Variants in ZNF541 observed in about 807,000 individuals in gnomAD.
ZNF541 encodes the protein zinc finger protein 541.
A neutral mutation model predicts 123.5 loss-of-function variants in ZNF541; 23 were observed. The ratio of observed to expected loss-of-function variants is 0.19; its 90% confidence interval spans 0.13 to 0.26. The LOEUF is 0.26. Ranked by LOEUF, ZNF541 falls within the 10% of genes least tolerant of loss-of-function variation. The pLI is 1.00. For synonymous variants in ZNF541, 751 were observed against 754.5 expected (o/e 1.00, Z 0.08); for missense variants, 1,612 against 1,789.9 (o/e 0.90, Z 1.79).
intron 2 of ZNF541, among the ~76,000 whole-genome samples, chr19:47,565,694 T>C (rs1971235751): frequency 1.3e-5 from 2 of 152,216 alleles, no homozygotes; most frequent in African/African-American, 4.8e-5. Flanking sequence ...ATCCCTCTCA[T>C]TAAATTAAAT....
intron 2 of ZNF541, among the ~76,000 whole-genome samples, chr19:47,557,040 G>A (rs1970853331): frequency 6.6e-6 from 1 of 152,174 alleles, no homozygotes; most frequent in Non-Finnish European, 1.5e-5. Flanking sequence ...TTACAGGCGT[G>A]AGCCACTGAG....
intron 2 of ZNF541, among the ~76,000 whole-genome samples, chr19:47,564,039 T>TCCAAAGTCAAAAC (rs1181257870): frequency 8.5e-5 from 13 of 152,272 alleles, no homozygotes; most frequent in Non-Finnish European, 1.6e-4. Context: ...GACTAATTTG[T>TCCAAAGTCAAAAC]CCAAAGTCAA....
At chr19:47,556,428 G>T (rs1159040814) in intron 2 of ZNF541, among the ~76,000 whole-genome samples, 4 of 152,144 alleles carry the variant, frequency 2.6e-5, no homozygotes, top group African/African-American at 7.2e-5. Context: ...ATGTGGCTAT[G>T]AAGTACTTGA....
intron 14 of ZNF541, among the ~76,000 whole-genome samples, chr19:47,525,386 T>G (rs894263679): frequency 1.3e-5 from 2 of 152,212 alleles, no homozygotes; most frequent in African/African-American, 2.4e-5. Context: ...GTTTTGTTTT[T>G]TTTGGTAAAA....
rs374622717 is a variant in ZNF541 at position 47,521,291 on chromosome 19, C to T, written c.3974G>A (p.Trp1325Ter). 2.4e-5 allele frequency: 37 copies of T among 1,551,636 alleles called. No individual in the cohort carries two copies. Among genetic ancestry groups the T allele is most frequent in the Non-Finnish European group, 3.1e-5 (35 of 1,147,022 alleles). Residue 1325 changes from tryptophan (W) to a stop codon, truncating the protein, a stop_gained, in exon 17 of 17, where the codon TGG becomes TAG. Coordinates refer to ENST00000391901, the MANE Select transcript of ZNF541 (RefSeq NM_001277075.3). LOFTEE classifies it high-confidence loss of function. This position sits in a 1 kb window ranked among gnomAD's most constrained non-coding sequence, Gnocchi z 4.2. ...DHVEPIIRVK[W>*]PVKPFQLKEE... ...CTTTAGCTGGAAGGGCTTCACTGGCCACTTCACCCTGATGATGGGCTCCAC... is the reference window on the plus strand; with the variant it reads ...CTTTAGCTGGAAGGGCTTCACTGGCTACTTCACCCTGATGATGGGCTCCAC...
At chr19:47,559,109 G>T (rs923338445) in intron 2 of ZNF541, among the ~76,000 whole-genome samples, 1 of 150,376 alleles carries the variant, frequency 6.6e-6, no homozygotes, top group African/African-American at 2.4e-5. Flanking sequence ...AGTGGCTCAC[G>T]CCTGTAATCC....
intron 5 of ZNF541, 82 bp from the exon 6 acceptor site, chr19:47,541,033 A>C (rs1970059273): frequency 7.6e-7 from 1 of 1,317,888 alleles, no homozygotes; most frequent in Non-Finnish European, 1.0e-6. Flanking sequence ...TTAGAAGAAA[A>C]CATCAGAGTA....
chr19:47,528,085 C>T (rs1323450226), intron 14 of ZNF541, among the ~76,000 whole-genome samples: 1 of 134,924 alleles, frequency 7.4e-6, no homozygotes, highest in Admixed American at 7.4e-5. Context: ...GAGGCTGAGG[C>T]AGGTGGATCA....
At chr19:47,551,831 C>A (rs1970613208) in intron 3 of ZNF541, among the ~76,000 whole-genome samples, 1 of 151,990 alleles carries the variant, frequency 6.6e-6, no homozygotes, top group Non-Finnish European at 1.5e-5. Context: ...ATACATAGCA[C>A]CTGGCTTAAA....
Position 47,544,208 on chromosome 19 carries a change from T to C in ZNF541, c.2321A>G (p.Gln774Arg). The C allele has an allele frequency of 6.4e-7, 1 of 1,551,660 alleles. No homozygotes were observed. The highest frequency in any genetic ancestry group is 8.7e-7 in the Non-Finnish European group (1 of 1,147,006). ...MDMCCAASPSQVAMASFSSAG... is the reference protein window; with the variant it reads ...MDMCCAASPSRVAMASFSSAG... ...CGATGAGAAGGAGGCCATGGCTACC[T>C]GGCTCGGAGAAGCCGCACAGCACAT... The change falls in exon 5 of 17, where the codon CAG becomes CGG. Residue 774 changes from glutamine (Q) to arginine (R), a missense_variant. Physicochemically the swap from Gln to Arg is conservative, Grantham distance 43. This residue lies in a region of ZNF541 where 1,080 missense variants were observed against 1,013.8 expected (regional missense o/e 1.07). Transcript: ENST00000391901.
chr19:47,544,955 T>C lies in ZNF541; in HGVS notation c.1574A>G (p.Gln525Arg), dbSNP rs1328295178. ...ATCCGCAGGGAGCCCGCCTGCCTTC[T>C]GGGCCTCCTGGAGGCCGGGCTCCCC... is the stretch of plus-strand genomic sequence containing the variant. ...NPGEPGLQEA[Q>R]KAGGLPADAS... is the part of the protein sequence containing the mutation. The change falls in exon 5 of 17, where the codon CAG (glutamine) becomes CGG (arginine). Residue 525 changes from glutamine to arginine, a missense_variant. By Grantham distance (43) the Gln-to-Arg change is conservative. Around this residue, in one of 5 missense-constraint regions of ZNF541, gnomAD observed 1,080 missense variants for 1,013.8 expected, o/e 1.07. Transcript: ENST00000391901. The C allele has an allele frequency of 1.3e-6, 2 of 1,534,414 alleles. No individual in the cohort carries two copies. The highest frequency in any genetic ancestry group is 3.9e-5 in the Admixed American group (2 of 50,736).
chr19:47,544,337 C>G lies in ZNF541; in HGVS notation c.2192G>C (p.Gly731Ala). Residue 731 changes from glycine (G) to alanine (A), a missense_variant, in exon 5 of 17, where the codon GGT (glycine) becomes GCT (alanine). Gly to Ala is a moderately conservative substitution (Grantham distance 60). This residue lies in a region of ZNF541 where 1,080 missense variants were observed against 1,013.8 expected (regional missense o/e 1.07). Coordinates refer to ENST00000391901, the MANE Select transcript of ZNF541 (RefSeq NM_001277075.3). ...ENGAASRITK[G>A]EKGPACSRGG... ...CCGGGAGCAGGCTGGGCCCTTTTCACCTTTTGTGATCCTTGAAGCCGCGCC... is the reference window on the plus strand; with the variant it reads ...CCGGGAGCAGGCTGGGCCCTTTTCAGCTTTTGTGATCCTTGAAGCCGCGCC... The G allele has an allele frequency of 6.4e-7, 1 of 1,551,662 alleles. No homozygotes were observed. The highest frequency in any genetic ancestry group is 8.7e-7 in the Non-Finnish European group (1 of 1,147,002).
At position 47,555,700 on chromosome 19, in the gene ZNF541, C is replaced by G; in HGVS notation, c.157G>C (p.Asp53His). 1 of 1,551,750 alleles carries G rather than the reference C, an allele frequency of 6.4e-7. No individual in the cohort carries two copies. The highest frequency in any genetic ancestry group is 8.7e-7 in the Non-Finnish European group (1 of 1,147,018). ...GFLYAGLSGL[D>H]PDPSLPTPDM... ...GGCGTTGGGAGGCTGGGGTCCGGGT[C>G]CAGACCACTCAGGCCAGCATAAAGA... Residue 53 changes from aspartate to histidine, a missense_variant, in exon 3 of 17, where the codon GAC (aspartate) becomes CAC (histidine). By Grantham distance (81) the Asp-to-His change is moderately conservative (BLOSUM62 -1). Around this residue, in one of 5 missense-constraint regions of ZNF541, gnomAD observed 212 missense variants for 289.6 expected, o/e 0.73. Transcript: ENST00000391901.
chr19:47,542,422 G>A (rs1050305604), intron 5 of ZNF541, among the ~76,000 whole-genome samples: 14 of 152,150 alleles, frequency 9.2e-5, no homozygotes, highest in African/African-American at 1.2e-4. Flanking sequence ...TTGGGAGGCC[G>A]AGGCAAGCAC....
At position 47,545,782 on chromosome 19, in the gene ZNF541, C is replaced by CGGCT. The variant is rs1568503266; in HGVS notation, c.743_746dup (p.Pro250AlafsTer33). On this transcript the variant is annotated frameshift_variant, in exon 5 of 17. Transcript: ENST00000391901. LOFTEE classifies it high-confidence loss of function. This position sits in a 1 kb window ranked among gnomAD's most constrained non-coding sequence, Gnocchi z 7.5. The stretch of plus-strand genomic sequence containing the variant: ...CCAGGGACCGCAGGCTGCTGGGGGG[C>CGGCT]GGCTGGCCGGCCGACTCGTGGGCGT... 1.3e-6 allele frequency: 2 copies of CGGCT among 1,539,396 alleles called. No homozygotes were observed. The highest frequency in any genetic ancestry group is 1.7e-6 in the Non-Finnish European group (2 of 1,143,014).
intron 13 of ZNF541, 53 bp from the exon 14 acceptor site, chr19:47,529,091 C>T: frequency 7.4e-7 from 1 of 1,350,436 alleles, no homozygotes; most frequent in Non-Finnish European, 1.0e-6. Context: ...GGGACCACAG[C>T]CATGGCTGAA....
chr19:47,524,706 T>TAAAAAA (rs1159585510), intron 14 of ZNF541, among the ~76,000 whole-genome samples: 1 of 96,746 alleles, frequency 1.0e-5, no homozygotes. Context: ...AGACTCTGTC[T>TAAAAAA]AAAAAAAAAA....
In ZNF541 at chr19:47,544,541, G is replaced by A. The variant is rs751201378; in HGVS notation, c.1988C>T (p.Pro663Leu). ...VAAVPTPLAA[P>L]SLDPSRNPDI... is the part of the protein sequence containing the mutation. ...TGGATTCCTGGAAGGGTCCAGAGAC[G>A]GTGCTGCAAGGGGCGTTGGAACCGC... Residue 663 changes from proline (P) to leucine (L), a missense_variant, in exon 5 of 17, where the codon CCG becomes CTG. Transcript: ENST00000391901. The A allele has an allele frequency of 1.9e-6, 3 of 1,551,574 alleles. No homozygotes were observed. Among genetic ancestry groups the A allele is most frequent in the Non-Finnish European group, 8.7e-7 (1 of 1,146,972 alleles).
intron 1 of ZNF541, among the ~76,000 whole-genome samples, chr19:47,572,672 G>C (rs1328538829): frequency 6.6e-6 from 1 of 151,840 alleles, no homozygotes; most frequent in Non-Finnish European, 1.5e-5. Context: ...CCTGGAAGAG[G>C]CTAGCGAATG....
Sources: allele counts gnomAD v4.1 joint callset (sites outside exome capture counted in the v4.1 genomes callset), GRCh38; gene constraint gnomAD v4.1.1; regional missense constraint gnomAD v4.1.1; non-coding constraint Gnocchi (gnomAD v3.1); transcripts MANE v1.5; gene names NCBI Gene and HGNC (gene_info 2026-07-23, HGNC 2026-07-21).